The following NUP155 variants were observed in gnomAD, a reference collection of about 807,000 sequenced individuals.
NUP155 encodes nuclear pore complex protein Nup155.
A neutral mutation model predicts 180.4 loss-of-function variants in NUP155; 71 were observed. The ratio of observed to expected loss-of-function variants is 0.39; its 90% CI spans 0.33 to 0.48. NUP155 has a LOEUF of 0.48. NUP155 is among the 20% of genes least tolerant of loss of function. The pLI is 0.91. For missense variants in NUP155, 1,553 were observed against 1,648.9 expected (o/e 0.94, Z 1.01); for synonymous variants, 582 against 559.5 (o/e 1.04, Z -0.57).
At chr5:37,330,822 C>T (rs558379811) in intron 14 of NUP155, among the ~76,000 whole-genome samples, 1 of 152,226 alleles carries the variant, frequency 6.6e-6, no homozygotes, top group East Asian at 1.9e-4. Context: ...ATAACCTGAA[C>T]AAGAAACTCT....
rs1191410801 is a variant in NUP155, at chr5:37,301,361, C to G, written c.3561+76G>C. 1.7e-5 allele frequency: 16 copies of G among 930,948 alleles called. No homozygotes were observed. In the South Asian group the frequency reaches 1.9e-4, roughly 11 times the overall value. 57.7% of individuals were successfully genotyped at this position (930,948 alleles called of 1,614,324 possible). On this transcript the variant is annotated intron_variant, in intron 30 of 34. Coordinates refer to ENST00000231498, the MANE Select transcript of NUP155 (RefSeq NM_153485.3). ...AGATAAGGTAATTTTCCCCATGAAACAAAAAGCAAAATAAAAAACAAAAAT... is the reference window on the plus strand; with the variant it reads ...AGATAAGGTAATTTTCCCCATGAAAGAAAAAGCAAAATAAAAAACAAAAAT...
In NUP155 at chr5:37,330,125, T is replaced by C. The variant is rs1744862735; in HGVS notation, c.1637A>G (p.Gln546Arg). The change falls in exon 15 of 35, where the codon CAG becomes CGG. Residue 546 changes from glutamine (Q) to arginine (R), a missense_variant. Physicochemically the swap from Gln to Arg is conservative, Grantham distance 43. Transcript: ENST00000231498. ...AAGAATAAGGCAAGTTGCACAAGCC[T>C]GGTCTTCCTGTGTAAAAAGAGGAAT... ...ERFFKLHQED[Q>R]ACATCLILAC... The C allele has an allele frequency of 6.2e-7, 1 of 1,610,980 alleles. No individual in the cohort carries two copies. Among genetic ancestry groups the C allele is most frequent in the East Asian group, 2.2e-5 (1 of 44,834 alleles).
At chr5:37,357,256 G>A (rs1163232007) in intron 4 of NUP155, among the ~76,000 whole-genome samples, 3 of 151,668 alleles carry the variant, frequency 2.0e-5, no homozygotes, top group African/African-American at 7.3e-5. Context: ...AATTAGCCTG[G>A]TGTGGTAGCA....
At chr5:37,346,686 A>G (rs529220241) in intron 9 of NUP155, among the ~76,000 whole-genome samples, 36 of 151,944 alleles carry the variant, frequency 2.4e-4, no homozygotes, top group Non-Finnish European at 1.9e-4. Flanking sequence ...ACAAAAAAAA[A>G]AGAGAGAGAG....
chr5:37,325,794 A>G (rs1275796273), intron 19 of NUP155, 107 bp downstream of exon 19: 3 of 707,610 alleles, frequency 4.2e-6, no homozygotes, highest in Admixed American at 2.5e-5. Flanking sequence ...AAAAAAAATA[A>G]CCTTTGCCAT....
intron 18 of NUP155, among the ~76,000 whole-genome samples, chr5:37,326,389 C>A (rs1488992376): frequency 6.6e-6 from 1 of 152,132 alleles, no homozygotes; most frequent in Non-Finnish European, 1.5e-5. Flanking sequence ...CTATATCTAT[C>A]CCCTCTGCAG....
At chr5:37,320,314 C>A (rs1744164801) in intron 20 of NUP155, among the ~76,000 whole-genome samples, 1 of 151,756 alleles carries the variant, frequency 6.6e-6, no homozygotes, top group Non-Finnish European at 1.5e-5. Context: ...CCCGTCTCTA[C>A]TAAAAATACA....
rs376025273 is a variant in NUP155, at chr5:37,331,813, A to G, written c.1519-18T>C. The G allele has an allele frequency of 6.8e-6, 10 of 1,472,094 alleles. No homozygotes were observed. In the African/African-American group the frequency reaches 6.9e-5, roughly 10 times the overall value. The allele number at this position is 1,472,094 out of a possible 1,614,324, so 91.2% of individuals were successfully genotyped here. A position where few individuals can be genotyped will look rare whatever the true frequency, so the allele number is the denominator to read the frequency against. Reference sequence around the variant, plus strand: ...AGGCTCCCCTAAGAAATTTGAAGAAAGAACATGAACAAGAGATTTACCAAG... The same window carrying G: ...AGGCTCCCCTAAGAAATTTGAAGAAGGAACATGAACAAGAGATTTACCAAG... On this transcript the variant is annotated intron_variant, in intron 13 of 34. Transcript: ENST00000231498.
intron 14 of NUP155, among the ~76,000 whole-genome samples, chr5:37,330,489 AT>A (rs752466114): frequency 1.3e-5 from 2 of 152,184 alleles, no homozygotes; most frequent in Non-Finnish European, 2.9e-5. Context: ...AGAGTTTAGC[AT>A]ATATTAATCC....
intron 6 of NUP155, 87 bp downstream of exon 6, chr5:37,351,103 C>A (rs968207256): frequency 4.8e-6 from 5 of 1,038,648 alleles, no homozygotes; most frequent in Non-Finnish European, 7.3e-6. Flanking sequence ...TATTAATGTC[C>A]TTATATAATT....
chr5:37,357,989 T>C (rs996028846), intron 4 of NUP155, 92 bp downstream of exon 4: 31 of 901,814 alleles, frequency 3.4e-5, no homozygotes, highest in Admixed American at 7.0e-5. Flanking sequence ...CGAGACTCCA[T>C]CTCGAAAAAA....
intron 23 of NUP155, chr5:37,309,532 G>A (rs1743394631): frequency 2.4e-6 from 1 of 416,756 alleles, no homozygotes; most frequent in Non-Finnish European, 4.4e-6. Flanking sequence ...TTATTGGGCA[G>A]CAGGCAGTCC....
rs1380235321 is a variant in NUP155 at position 37,289,833 on chromosome 5, CCTTTT to C, written c.*2062_*2066del. Reference sequence around the variant, plus strand: ...AATTACAACATTCAGACAAGGCCTTCCTTTTAAGTAGACATGACAGAATTTTAAAT... The same window carrying C: ...AATTACAACATTCAGACAAGGCCTTCAAGTAGACATGACAGAATTTTAAAT... On this transcript the variant is annotated 3_prime_UTR_variant, in exon 35 of 35. Coordinates refer to ENST00000231498, the MANE Select transcript of NUP155 (RefSeq NM_153485.3). The C allele has an allele frequency of 1.3e-5, 2 of 152,180 alleles. No individual in the cohort carries two copies. The highest frequency in any genetic ancestry group is 2.9e-5 in the Non-Finnish European group (2 of 68,036). 9.4% of individuals were successfully genotyped at this position (152,180 alleles called of 1,614,324 possible).
At chr5:37,342,338 T>C in intron 10 of NUP155, 1 of 487,674 alleles carries the variant, frequency 2.1e-6, no homozygotes. Context: ...TGAGCTACCA[T>C]GCCTGGCCTA....
At chr5:37,361,932 T>A in intron 3 of NUP155, among the ~76,000 whole-genome samples, 1 of 152,150 alleles carries the variant, frequency 6.6e-6, no homozygotes, top group East Asian at 1.9e-4. Context: ...ATGGGATTAG[T>A]GCCCTTATAA....
chr5:37,364,062 T>C (rs1422754499), intron 2 of NUP155, 78 bp from the exon 3 acceptor site: 5 of 1,264,856 alleles, frequency 4.0e-6, no homozygotes, highest in Non-Finnish European at 5.8e-6. Flanking sequence ...TTTGACTTAA[T>C]ATTTACGTAA....
At chr5:37,361,285 A>AAAAAAAAAAAG (rs397997410) in intron 3 of NUP155, among the ~76,000 whole-genome samples, 2 of 141,470 alleles carry the variant, frequency 1.4e-5, no homozygotes, top group African/African-American at 6.1e-5. Context: ...AAAAAAAAAA[A>AAAAAAAAAAAG]GACAATGGCT....
chr5:37,339,152 T>G (rs1035562076), intron 11 of NUP155, among the ~76,000 whole-genome samples: 2 of 152,024 alleles, frequency 1.3e-5, no homozygotes, highest in Non-Finnish European at 2.9e-5. Flanking sequence ...GCTGATCACT[T>G]GAGCCCAGGA....
At chr5:37,335,380 G>GAAAAA (rs5867345) in intron 12 of NUP155, among the ~76,000 whole-genome samples, 1 of 116,630 alleles carries the variant, frequency 8.6e-6, no homozygotes, top group African/African-American at 3.7e-5. Context: ...CCCTGTCTCA[G>GAAAAA]AAAAAAAAAA....
Sources: gnomAD v4.1 joint callset for allele counts (sites outside exome capture counted in the v4.1 genomes callset) on GRCh38, gnomAD v4.1.1 for gene constraint, MANE v1.5 for transcripts, NCBI Gene and HGNC (gene_info 2026-07-23, HGNC 2026-07-21) for gene names.